OPTN: variants seen among roughly 807,000 people sequenced by gnomAD.
The protein encoded by OPTN is optineurin.
A neutral mutation model predicts 70.4 loss-of-function variants in OPTN; 54 were observed. That is an observed-to-expected ratio of 0.77 (90% confidence interval 0.62 to 0.96). The LOEUF (loss-of-function observed/expected upper bound fraction) is 0.96, where lower values mean the gene tolerates loss of function less well. OPTN is among the 40% of genes least tolerant of loss of function. OPTN has a pLI of 0.00. For synonymous variants in OPTN, 256 were observed against 248.5 expected (o/e 1.03, Z -0.28); for missense variants, 624 against 673.2 (o/e 0.93, Z 0.81).
chr10:13,102,265 G>T (rs1245192294), intron 1 of OPTN, among the ~76,000 whole-genome samples: 1 of 152,220 alleles, frequency 6.6e-6, no homozygotes, highest in Non-Finnish European at 1.5e-5. Context: ...TGTTTTGGTG[G>T]CAGGAGGTGA....
intron 5 of OPTN, among the ~76,000 whole-genome samples, chr10:13,114,769 A>G (rs867935826): frequency 7.9e-5 from 4 of 50,940 alleles, no homozygotes; most frequent in African/African-American, 3.0e-4. Context: ...TGCATATATA[A>G]TTATATAATT....
chr10:13,102,904 C>T (rs565088342), intron 1 of OPTN, among the ~76,000 whole-genome samples: 23 of 151,226 alleles, frequency 1.5e-4, no homozygotes, highest in East Asian at 3.9e-4. Context: ...GATTTTGCCA[C>T]GGCACTCTAG....
chr10:13,114,879 T>TAATA (rs34327051), intron 5 of OPTN, among the ~76,000 whole-genome samples: 53,058 of 64,606 alleles, frequency 0.82, 22,920 homozygotes, highest in Middle Eastern at 0.93. Flanking sequence ...TATAATTGTA[T>TAATA]TATATACACT....
chr10:13,131,737 A>G (rs1176508581), intron 12 of OPTN, among the ~76,000 whole-genome samples: 2 of 152,216 alleles, frequency 1.3e-5, no homozygotes, highest in Non-Finnish European at 2.9e-5. Flanking sequence ...TTAAGTAATC[A>G]TTTACTATAT....
In OPTN at chr10:13,109,268, C is replaced by T; in HGVS notation, c.146C>T (p.Thr49Ile). The T allele has an allele frequency of 6.2e-7, 1 of 1,613,990 alleles. No homozygotes were observed. The highest frequency in any genetic ancestry group is 8.5e-7 in the Non-Finnish European group (1 of 1,179,968). ...ELLQQMKELL[T>I]ENHQLKEAMK... The stretch of plus-strand genomic sequence containing the variant: ...CTGCAGCAGATGAAAGAGCTCCTGA[C>T]CGAGAACCACCAGCTGAAAGGTGAG... The change falls in exon 3 of 15, where the codon ACC becomes ATC. Residue 49 changes from threonine (T) to isoleucine (I), a missense_variant. Thr to Ile is a moderately conservative substitution (Grantham distance 89). Transcript: ENST00000378747.
chr10:13,114,810 A>ACG (rs1412235102), intron 5 of OPTN, among the ~76,000 whole-genome samples: 164 of 9,732 alleles, frequency 0.017, 10 homozygotes, highest in Admixed American at 0.051. Context: ...ATACATATAT[A>ACG]TAATTATATA....
intron 8 of OPTN, among the ~76,000 whole-genome samples, chr10:13,123,558 A>T (rs1211110888): frequency 6.6e-6 from 1 of 152,194 alleles, no homozygotes; most frequent in Non-Finnish European, 1.5e-5. Context: ...TCATTTACAA[A>T]AATTATAGAG....
chr10:13,133,028 G>A (rs1286800382), intron 13 of OPTN, among the ~76,000 whole-genome samples: 2 of 151,960 alleles, frequency 1.3e-5, no homozygotes, highest in Non-Finnish European at 2.9e-5. Flanking sequence ...AATTTGGTGG[G>A]TAGCTTCCCC....
chr10:13,116,728 T>A, intron 6 of OPTN, among the ~76,000 whole-genome samples: 1 of 152,222 alleles, frequency 6.6e-6, no homozygotes, highest in Non-Finnish European at 1.5e-5. Context: ...ATATTTTCAT[T>A]TTCTTTTCCC....
At chr10:13,124,296 G>A (rs1268182594) in intron 9 of OPTN, among the ~76,000 whole-genome samples, 186 bp downstream of exon 9, 1 of 152,200 alleles carries the variant, frequency 6.6e-6, no homozygotes, top group Non-Finnish European at 1.5e-5. Context: ...TTGTAAGATG[G>A]GGGGTTGGGG....
chr10:13,100,087 G>A (rs3814657), upstream of OPTN: 1 of 152,032 alleles, frequency 6.6e-6, no homozygotes, highest in African/African-American at 2.4e-5. Flanking sequence ...TCCCCGGCGC[G>A]GGCAGGGAGC....
intron 4 of OPTN, among the ~76,000 whole-genome samples, chr10:13,111,972 C>T (rs187705825): frequency 0.027 from 4,140 of 150,654 alleles, 157 homozygotes; most frequent in African/African-American, 0.082. Context: ...CTCAGCCTCC[C>T]GAGTAGCTGG....
chr10:13,121,317 T>A (rs1365497126), intron 7 of OPTN, among the ~76,000 whole-genome samples: 1 of 151,812 alleles, frequency 6.6e-6, no homozygotes, highest in African/African-American at 2.4e-5. Context: ...TGCGTAAGAA[T>A]TTTAGGATCA....
Position 13,128,025 on chromosome 10 carries a change from T to C in OPTN, c.1401+122T>C, listed in dbSNP as rs545334212. 64 of 1,183,400 alleles carry C rather than the reference T, an allele frequency of 5.4e-5. 1 individual carries two copies. In the Admixed American group the frequency reaches 6.7e-4, roughly 12 times the overall value. The allele number at this position is 1,183,400 out of a possible 1,614,324, so 73.3% of individuals were successfully genotyped here. A position where few individuals can be genotyped will look rare whatever the true frequency, so the allele number is the denominator to read the frequency against. On this transcript the variant is annotated intron_variant, in intron 12 of 14. Coordinates refer to ENST00000378747, the MANE Select transcript of OPTN (RefSeq NM_001008212.2). ...TTTTATATATTTTTTCACCCGTGAG[T>C]GTATTAAAACTTTAAAATTGAAACA... is the stretch of plus-strand genomic sequence containing the variant.
At chr10:13,123,599 A>G (rs1209780249) in intron 8 of OPTN, among the ~76,000 whole-genome samples, 1 of 152,232 alleles carries the variant, frequency 6.6e-6, no homozygotes. Context: ...CAACAAAAAT[A>G]GTTGAGTAAA....
intron 12 of OPTN, among the ~76,000 whole-genome samples, chr10:13,130,444 AAAAAAAAAATC>A (rs1376140599): frequency 6.6e-6 from 1 of 150,480 alleles, no homozygotes; most frequent in East Asian, 1.9e-4. Flanking sequence ...AAAAAAAAAA[AAAAAAAAAATC>A]AGACACTGTT....
intron 1 of OPTN, 70 bp from the exon 2 acceptor site, chr10:13,108,065 CTTT>C (rs1832906624): frequency 1.3e-5 from 2 of 152,334 alleles, no homozygotes; most frequent in South Asian, 4.1e-4. Flanking sequence ...ATATCTTAGT[CTTT>C]TCAGTATGCA....
chr10:13,127,930 G>C, intron 12 of OPTN, 27 bp downstream of exon 12: 1 of 1,613,394 alleles, frequency 6.2e-7, no homozygotes, highest in Non-Finnish European at 8.5e-7. Flanking sequence ...AACCCCAGCT[G>C]AGCGAGGCCA....
At chr10:13,124,945 T>A (rs1833426595) in intron 9 of OPTN, among the ~76,000 whole-genome samples, 2 of 152,258 alleles carry the variant, frequency 1.3e-5, no homozygotes, top group Non-Finnish European at 2.9e-5. Context: ...GTCATTTATT[T>A]GTATTATATT....
Sources: allele counts gnomAD v4.1 joint callset (sites outside exome capture counted in the v4.1 genomes callset), GRCh38; gene constraint gnomAD v4.1.1; transcripts MANE v1.5; gene names NCBI Gene and HGNC (gene_info 2026-07-23, HGNC 2026-07-21).